INTS4: variants seen among roughly 807,000 people sequenced by gnomAD.
INTS4 encodes the protein integrator complex subunit 4.
INTS4 carries 70 observed loss-of-function variants against 119.5 expected under a neutral mutation model. That is an observed-to-expected ratio of 0.59 (90% CI 0.48 to 0.71). INTS4 has a LOEUF of 0.71. Among genes scored for constraint, INTS4 ranks in the 30% least tolerant of loss-of-function variants. INTS4 has a pLI of 0.00. For missense variants in INTS4, 867 were observed against 1,173.2 expected (o/e 0.74, Z 3.81); for synonymous variants, 316 against 419.6 (o/e 0.75, Z 3.02).
chr11:77,943,783 A>C (rs1953984727), intron 8 of INTS4, among the ~76,000 whole-genome samples: 1 of 152,240 alleles, frequency 6.6e-6, no homozygotes, highest in African/African-American at 2.4e-5. Context: ...AAATTTAGAT[A>C]CAAGATATTT....
chr11:77,888,016 T>G (rs1952093086), intron 21 of INTS4, among the ~76,000 whole-genome samples: 1 of 152,182 alleles, frequency 6.6e-6, no homozygotes, highest in Non-Finnish European at 1.5e-5. Context: ...ATTTATACAT[T>G]CAATGCCATC....
At position 77,961,072 on chromosome 11, in the gene INTS4, A is replaced by T. The variant is rs1192804476; in HGVS notation, c.538T>A (p.Leu180Met). The change falls in exon 5 of 23, where the codon TTG becomes ATG. Residue 180 changes from leucine to methionine, a missense_variant. Around this residue, in one of 5 missense-constraint regions of INTS4, gnomAD observed 224 missense variants for 231.8 expected, o/e 0.97. Coordinates refer to ENST00000534064, the MANE Select transcript of INTS4 (RefSeq NM_033547.4). ...GCATCTTTTGTGACACTTTTCTCCA[A>T]AGAGCCAAGATTGCCAAGTAACTGC... is the stretch of plus-strand genomic sequence containing the variant. The part of the protein sequence containing the change: ...CLQLLGNLGS[L>M]EKSVTKDAEG... 1 of 1,613,420 alleles carries T rather than the reference A, an allele frequency of 6.2e-7. No individual in the cohort carries two copies. Among genetic ancestry groups the T allele is most frequent in the Non-Finnish European group, 8.5e-7 (1 of 1,179,756 alleles).
intron 15 of INTS4, among the ~76,000 whole-genome samples, chr11:77,916,793 T>A (rs1453236670): frequency 6.6e-6 from 1 of 152,274 alleles, no homozygotes; most frequent in African/African-American, 2.4e-5. Context: ...GGGACTTTCA[T>A]CTGTTTTTCC....
At chr11:77,928,657 T>C (rs1265247243) in intron 10 of INTS4, 110 bp from the exon 11 acceptor site, 12 of 1,459,650 alleles carry the variant, frequency 8.2e-6, no homozygotes, top group East Asian at 7.4e-5. Flanking sequence ...AGCCCGCCTA[T>C]GCAATGTGGT....
In INTS4 at chr11:77,994,651, C is replaced by T. The variant is rs1245325374; in HGVS notation, c.-8G>A. 1 of 1,614,088 alleles carries T rather than the reference C, an allele frequency of 6.2e-7. No individual in the cohort carries two copies. The highest frequency in any genetic ancestry group is 8.5e-7 in the Non-Finnish European group (1 of 1,180,018). On this transcript the variant is annotated 5_prime_UTR_variant, in exon 1 of 23. Transcript: ENST00000534064. ...CTTAAGGTGCGCCGCCATGCCTACC[C>T]GCGGGCCCTCTCAGCTTCCGTACAC...
At chr11:77,910,252 A>C (rs1240125410) in intron 15 of INTS4, among the ~76,000 whole-genome samples, 3 of 151,962 alleles carry the variant, frequency 2.0e-5, no homozygotes, top group Non-Finnish European at 4.4e-5. Flanking sequence ...ACCATGGAAT[A>C]CTATGCAGCC....
chr11:77,918,920 T>A lies in INTS4; in HGVS notation c.1823A>T (p.Asp608Val). 3 of 1,613,938 alleles carry A rather than the reference T, an allele frequency of 1.9e-6. No homozygotes were observed. Among genetic ancestry groups the A allele is most frequent in the Non-Finnish European group, 2.5e-6 (3 of 1,179,856 alleles). The change falls in exon 15 of 23, where the codon GAT (aspartate) becomes GTT (valine). Residue 608 changes from aspartate (D) to valine (V), a missense_variant. Around this residue, in one of 5 missense-constraint regions of INTS4, gnomAD observed 262 missense variants for 376.0 expected, o/e 0.70. Coordinates refer to ENST00000534064, the MANE Select transcript of INTS4 (RefSeq NM_033547.4). ...CTGCTGCAGGAACTGCTGGGAAGGA[T>A]CCTCTTGAGGTATGATGCTGGGAGA... ...AVSPSIIPQE[D>V]PSQQFLQQSL...
At chr11:77,974,558 T>G (rs1273393934) in intron 4 of INTS4, among the ~76,000 whole-genome samples, 1 of 149,286 alleles carries the variant, frequency 6.7e-6, no homozygotes, top group African/African-American at 2.5e-5. Flanking sequence ...TTTCATAATA[T>G]TAACTTATAA....
chr11:77,877,964 G>C (rs1951644751), downstream of INTS4, among the ~76,000 whole-genome samples: 3 of 152,060 alleles, frequency 2.0e-5, no homozygotes, highest in African/African-American at 7.2e-5. Flanking sequence ...TCTTGCACTG[G>C]ACCCCTGTTT....
chr11:77,876,131 A>G (rs188329107), downstream of INTS4, among the ~76,000 whole-genome samples: 1 of 152,300 alleles, frequency 6.6e-6, no homozygotes, highest in African/African-American at 2.4e-5. Context: ...AGAGGAATCT[A>G]AAGGACTTGA....
intron 18 of INTS4, among the ~76,000 whole-genome samples, chr11:77,897,751 C>T (rs1375064601): frequency 2.0e-5 from 3 of 151,936 alleles, no homozygotes; most frequent in African/African-American, 4.8e-5. Flanking sequence ...GTGATCCACC[C>T]GATTCGGCCT....
intron 8 of INTS4, among the ~76,000 whole-genome samples, chr11:77,943,603 T>A (rs1440899784): frequency 1.3e-5 from 2 of 152,212 alleles, no homozygotes; most frequent in African/African-American, 4.8e-5. Flanking sequence ...GAGAAAAAGC[T>A]ACATTCTGGT....
At chr11:77,960,920 C>T in intron 5 of INTS4, 33 bp downstream of exon 5, 1 of 1,571,998 alleles carries the variant, frequency 6.4e-7, no homozygotes, top group Non-Finnish European at 8.6e-7. Context: ...AAAATGAACA[C>T]TAGCCCCAAC....
chr11:77,883,947 TA>T lies in INTS4; in HGVS notation c.2597del (p.Leu866TyrfsTer9). 6.2e-7 allele frequency: 1 copy of T among 1,612,924 alleles called. No individual in the cohort carries two copies. Among genetic ancestry groups the T allele is most frequent in the Non-Finnish European group, 8.5e-7 (1 of 1,179,494 alleles). ...TCATCTGAGCCTGGCCATCTGGATA[TA>T]AGACCTAAAGGGTGACAGAAATGAG... ...DPQNTVKVQV[L>X]YPDGQAQMIH... On this transcript the variant is annotated frameshift_variant, in exon 22 of 23. Coordinates refer to ENST00000534064, the MANE Select transcript of INTS4 (RefSeq NM_033547.4). LOFTEE classifies it high-confidence loss of function.
intron 4 of INTS4, among the ~76,000 whole-genome samples, chr11:77,966,010 C>A (rs1855489689): frequency 6.6e-6 from 1 of 152,118 alleles, no homozygotes; most frequent in Admixed American, 6.6e-5. Context: ...TTATAAAAAC[C>A]ATTCTAATAG....
At chr11:77,948,680 AG>A (rs1231514769) in intron 8 of INTS4, among the ~76,000 whole-genome samples, 628 of 40,200 alleles carry the variant, frequency 0.016, 12 homozygotes, top group African/African-American at 0.069. Context: ...AAAAAAAAAA[AG>A]AAGAAGAAGA....
At chr11:77,991,376 A>ATT (rs1856682516) in intron 1 of INTS4, 77 bp from the exon 2 acceptor site, 1 of 1,104,120 alleles carries the variant, frequency 9.1e-7, no homozygotes, top group South Asian at 1.3e-5. Flanking sequence ...ATGATTTTCC[A>ATT]TTATACCAAA....
intron 10 of INTS4, among the ~76,000 whole-genome samples, chr11:77,937,976 CA>C (rs1439460021): frequency 6.6e-6 from 1 of 152,086 alleles, no homozygotes; most frequent in Non-Finnish European, 1.5e-5. Context: ...GCCTCTCTAG[CA>C]GCTGAGATTA....
At chr11:77,979,785 C>T (rs1738025270) in intron 3 of INTS4, among the ~76,000 whole-genome samples, 1 of 151,558 alleles carries the variant, frequency 6.6e-6, no homozygotes, top group African/African-American at 2.4e-5. Context: ...CGAGACCAGC[C>T]TGACCAACAT....
Sources: allele counts gnomAD v4.1 joint callset (sites outside exome capture counted in the v4.1 genomes callset), GRCh38; gene constraint gnomAD v4.1.1; regional missense constraint gnomAD v4.1.1; transcripts MANE v1.5; gene names NCBI Gene and HGNC (gene_info 2026-07-23, HGNC 2026-07-21).